Variants in SHISA5 observed in about 807,000 individuals in gnomAD.
SHISA5 encodes the protein shisa family member 5.
In SHISA5, 21 loss-of-function variants were observed where a neutral mutation model predicts 27.5. That is an observed-to-expected ratio of 0.76 (90% CI 0.54 to 1.10). SHISA5 has a LOEUF of 1.10. Ranked by LOEUF, SHISA5 falls within the 50% of genes least tolerant of loss-of-function variation. SHISA5 has a pLI of 0.00. For synonymous variants in SHISA5, 137 were observed against 142.2 expected (o/e 0.96, Z 0.26); for missense variants, 314 against 336.3 (o/e 0.93, Z 0.52).
Position 48,485,182 on chromosome 3 carries a change from C to A in SHISA5, c.234-5925G>T, listed in dbSNP as rs111351899. The stretch of plus-strand genomic sequence containing the variant: ...AGAGCAAGACTCAGTCTCAAAAAAA[C>A]GAAAAGAAATAAAGAAAAGAAACCA... On this transcript the variant is annotated intron_variant, in intron 2 of 5. Coordinates refer to ENST00000296444, the MANE Select transcript of SHISA5 (RefSeq NM_016479.6). Among the ~76,000 whole-genome samples, 8 of 151,820 alleles carry A rather than the reference C, an allele frequency of 5.3e-5. 1 individual carries two copies. Among genetic ancestry groups the A allele is most frequent in the African/African-American group, 1.7e-4 (7 of 41,404 alleles).
At chr3:48,503,647 G>A in intron 1 of SHISA5, 2 of 985,958 alleles carry the variant, frequency 2.0e-6, no homozygotes, top group Non-Finnish European at 1.2e-6. Flanking sequence ...GAGGCAAAGA[G>A]GGAAGGCCTC....
intron 2 of SHISA5, among the ~76,000 whole-genome samples, chr3:48,481,201 G>A (rs2040999070): frequency 6.6e-6 from 1 of 152,132 alleles, no homozygotes; most frequent in African/African-American, 2.4e-5. Flanking sequence ...AGCATTTTGG[G>A]AGGCCAAGGT....
At chr3:48,491,212 A>G (rs934177798) in intron 2 of SHISA5, among the ~76,000 whole-genome samples, 1 of 151,410 alleles carries the variant, frequency 6.6e-6, no homozygotes, top group East Asian at 2.0e-4. Flanking sequence ...TCTGCCTCCC[A>G]GGTTCACGCC....
At chr3:48,477,591 T>C (rs994877012) in intron 3 of SHISA5, among the ~76,000 whole-genome samples, 1 of 152,118 alleles carries the variant, frequency 6.6e-6, no homozygotes, top group South Asian at 2.1e-4. Flanking sequence ...TTACTCCTCA[T>C]CCATTCACGG....
chr3:48,501,542 T>C (rs931392482), intron 1 of SHISA5, among the ~76,000 whole-genome samples: 3 of 152,124 alleles, frequency 2.0e-5, no homozygotes, highest in African/African-American at 7.2e-5. Context: ...ACTGGCCTCC[T>C]GATAGGAGGG....
At position 48,488,449 on chromosome 3, in the gene SHISA5, G is replaced by T. The variant is rs368095717; in HGVS notation, c.234-9192C>A. ...TCACCATGTTAGCCAGGATGGTCTT[G>T]ATCTCCTGACCTCATGATCCGCCTA... is the stretch of plus-strand genomic sequence containing the variant. On this transcript the variant is annotated intron_variant, in intron 2 of 5. Coordinates refer to ENST00000296444, the MANE Select transcript of SHISA5 (RefSeq NM_016479.6). 4.0e-5 allele frequency among the ~76,000 whole-genome samples: 6 copies of T among 150,836 alleles called. No individual in the cohort carries two copies. In the East Asian group the frequency reaches 1.2e-3, roughly 30 times the overall value.
At chr3:48,486,357 A>ATATTATATAATATATAATGTATAATG in intron 2 of SHISA5, among the ~76,000 whole-genome samples, 1 of 91,778 alleles carries the variant, frequency 1.1e-5, no homozygotes, top group African/African-American at 5.1e-5. Flanking sequence ...AATGTATTAT[A>ATATTATATAATATATAATGTATAATG]TATTATATAT....
chr3:48,473,169 C>A lies in SHISA5; in HGVS notation c.315-3326G>T, dbSNP rs2040703615. Reference sequence around the variant, plus strand: ...AGCCACAGGAAGCACAGACGCGAAGCCCCGTTCCACCCTCTTAAAGACACA... The same window carrying A: ...AGCCACAGGAAGCACAGACGCGAAGACCCGTTCCACCCTCTTAAAGACACA... On this transcript the variant is annotated intron_variant, in intron 3 of 5. Transcript: ENST00000296444. The surrounding 1 kb of genome is among the most constrained non-coding windows in gnomAD (Gnocchi z 4.3). 1.4e-6 allele frequency: 2 copies of A among 1,441,248 alleles called. No individual in the cohort carries two copies. Among genetic ancestry groups the A allele is most frequent in the South Asian group, 2.9e-5 (2 of 69,194 alleles). The allele number at this position is 1,441,248 out of a possible 1,614,324, so 89.3% of individuals were successfully genotyped here. A position where few individuals can be genotyped will look rare whatever the true frequency, so the allele number is the denominator to read the frequency against.
At chr3:48,477,482 T>C (rs1187332349) in intron 3 of SHISA5, among the ~76,000 whole-genome samples, 1 of 152,010 alleles carries the variant, frequency 6.6e-6, no homozygotes, top group Non-Finnish European at 1.5e-5. Context: ...TACCTCACTG[T>C]AGCCCTGAAC....
rs767829591 is a variant in SHISA5, at chr3:48,469,058, C to G, written c.*49G>C. 113 of 1,610,770 alleles carry G rather than the reference C, an allele frequency of 7.0e-5. No individual in the cohort carries two copies. In the South Asian group the frequency reaches 1.1e-3, roughly 15 times the overall value. On this transcript the variant is annotated 3_prime_UTR_variant, in exon 6 of 6. Coordinates refer to ENST00000296444, the MANE Select transcript of SHISA5 (RefSeq NM_016479.6). The surrounding 1 kb of genome is among the most constrained non-coding windows in gnomAD (Gnocchi z 4.6). Reference sequence around the variant, plus strand: ...AGGAACCGCGCCTGCACACCACTCACGCACACACACAACATAACCAAGTGG... The same window carrying G: ...AGGAACCGCGCCTGCACACCACTCAGGCACACACACAACATAACCAAGTGG...
Position 48,468,968 on chromosome 3 carries a change from A to G in SHISA5, c.*139T>C. Reference sequence around the variant, plus strand: ...AGAGGAAGCCACATATACAGGCAGGACACACACAGCACACATGGGGCGTAA... The same window carrying G: ...AGAGGAAGCCACATATACAGGCAGGGCACACACAGCACACATGGGGCGTAA... On this transcript the variant is annotated 3_prime_UTR_variant, in exon 6 of 6. Coordinates refer to ENST00000296444, the MANE Select transcript of SHISA5 (RefSeq NM_016479.6). 1 of 1,563,402 alleles carries G rather than the reference A, an allele frequency of 6.4e-7. No individual in the cohort carries two copies.
chr3:48,469,009 C>T lies in SHISA5; in HGVS notation c.*98G>A. The T allele has an allele frequency of 1.9e-6, 3 of 1,602,512 alleles. No individual in the cohort carries two copies. The highest frequency in any genetic ancestry group is 1.1e-5 in the South Asian group (1 of 91,022). ...TGGGGCGTAAGGAACCGTGCCTGGACACACACAGCACACATGGGGCGTAAG... is the reference window on the plus strand; with the variant it reads ...TGGGGCGTAAGGAACCGTGCCTGGATACACACAGCACACATGGGGCGTAAG... On this transcript the variant is annotated 3_prime_UTR_variant, in exon 6 of 6. Transcript: ENST00000296444. This position sits in a 1 kb window ranked among gnomAD's most constrained non-coding sequence, Gnocchi z 4.6.
intron 2 of SHISA5, among the ~76,000 whole-genome samples, chr3:48,486,081 T>C (rs1291357543): frequency 1.4e-5 from 2 of 146,998 alleles, no homozygotes; most frequent in East Asian, 4.0e-4. Flanking sequence ...GCAACCTAAA[T>C]CCTCCCTGGA....
chr3:48,492,997 T>C (rs1208605130), intron 2 of SHISA5, among the ~76,000 whole-genome samples: 2 of 147,790 alleles, frequency 1.4e-5, no homozygotes, highest in East Asian at 3.9e-4. Flanking sequence ...CTACAGTATT[T>C]CCTAAAAGCA....
In SHISA5 at chr3:48,468,667, G is replaced by C; in HGVS notation, c.*440C>G. 1 of 1,213,932 alleles carries C rather than the reference G, an allele frequency of 8.2e-7. No homozygotes were observed. The highest frequency in any genetic ancestry group is 3.2e-5 in the Admixed American group (1 of 31,252). 75.2% of individuals were successfully genotyped at this position (1,213,932 alleles called of 1,614,324 possible). ...ATGGCCTCAAGCAGCAGCTGGCTAC[G>C]CTGCCGAAACCAGGACACATCTGCA... On this transcript the variant is annotated 3_prime_UTR_variant, in exon 6 of 6. Transcript: ENST00000296444.
At chr3:48,503,393 T>A (rs957940859) in intron 1 of SHISA5, among the ~76,000 whole-genome samples, 1 of 152,066 alleles carries the variant, frequency 6.6e-6, no homozygotes, top group Non-Finnish European at 1.5e-5. Context: ...AATACAGCCT[T>A]CCCCTCCACG....
chr3:48,478,686 G>T (rs2040902474), intron 3 of SHISA5, among the ~76,000 whole-genome samples: 2 of 152,096 alleles, frequency 1.3e-5, no homozygotes, highest in African/African-American at 4.8e-5. Flanking sequence ...GCTTCACACA[G>T]GAACTGTGGC....
rs1381644337 is a variant in SHISA5, at chr3:48,469,010, A to C, written c.*97T>G. On this transcript the variant is annotated 3_prime_UTR_variant, in exon 6 of 6. Coordinates refer to ENST00000296444, the MANE Select transcript of SHISA5 (RefSeq NM_016479.6). The surrounding 1 kb of genome is among the most constrained non-coding windows in gnomAD (Gnocchi z 4.6). ...GGGGCGTAAGGAACCGTGCCTGGAC[A>C]CACACAGCACACATGGGGCGTAAGG... The C allele has an allele frequency of 6.2e-7, 1 of 1,602,674 alleles. No individual in the cohort carries two copies. Among genetic ancestry groups the C allele is most frequent in the Non-Finnish European group, 8.5e-7 (1 of 1,179,276 alleles).
intron 3 of SHISA5, among the ~76,000 whole-genome samples, chr3:48,475,242 G>A (rs1355187573): frequency 6.6e-6 from 1 of 152,166 alleles, no homozygotes; most frequent in Non-Finnish European, 1.5e-5. Context: ...TGGTTGCAGA[G>A]CGGGGCTAGG....
Sources: allele counts gnomAD v4.1 joint callset (sites outside exome capture counted in the v4.1 genomes callset), GRCh38; gene constraint gnomAD v4.1.1; non-coding constraint Gnocchi (gnomAD v3.1); transcripts MANE v1.5; gene names NCBI Gene and HGNC (gene_info 2026-07-23, HGNC 2026-07-21).